The following SFMBT2 variants were observed in gnomAD, a reference collection of about 807,000 sequenced individuals.
SFMBT2 encodes scm-like with four MBT domains protein 2.
SFMBT2 carries 38 observed loss-of-function variants against 110.1 expected under a neutral mutation model. The observed-to-expected ratio is 0.35, with a 90% CI of 0.27 to 0.45. The LOEUF (loss-of-function observed/expected upper bound fraction) is 0.45. SFMBT2 is among the 20% of genes least tolerant of loss of function. The probability of loss-of-function intolerance (pLI) is 1.00; values close to 1 mark genes in which losing one functional copy is unlikely to be tolerated. For missense variants in SFMBT2, 1,011 were observed against 1,094.9 expected (o/e 0.92, Z 1.08); for synonymous variants, 425 against 425.4 (o/e 1.00, Z 0.01).
intron 4 of SFMBT2, among the ~76,000 whole-genome samples, chr10:7,353,619 C>T (rs1844400025): frequency 6.6e-6 from 1 of 152,260 alleles, no homozygotes; most frequent in Non-Finnish European, 1.5e-5. Context: ...GAACTCATGT[C>T]CTCCCATCAT....
chr10:7,188,561 G>A, intron 16 of SFMBT2, 63 bp downstream of exon 16: 1 of 1,317,420 alleles, frequency 7.6e-7, no homozygotes, highest in Non-Finnish European at 1.1e-6. Context: ...GAAGTGGCAA[G>A]GTTCAAAGTA....
At chr10:7,389,885 C>T (rs1845720780) in intron 1 of SFMBT2, among the ~76,000 whole-genome samples, 1 of 152,204 alleles carries the variant, frequency 6.6e-6, no homozygotes, top group Admixed American at 6.5e-5. Context: ...AGCATCCTCC[C>T]CTCTCAACCC....
intron 4 of SFMBT2, among the ~76,000 whole-genome samples, chr10:7,360,423 C>T (rs1452796642): frequency 1.3e-5 from 2 of 151,868 alleles, no homozygotes; most frequent in Non-Finnish European, 2.9e-5. Flanking sequence ...GCCAAAATTA[C>T]GCCACTACAT....
At chr10:7,272,127 G>A (rs1319664205) in intron 7 of SFMBT2, among the ~76,000 whole-genome samples, 1 of 152,170 alleles carries the variant, frequency 6.6e-6, no homozygotes, top group African/African-American at 2.4e-5. Context: ...GCATGTCCAG[G>A]AAGGATGTGG....
chr10:7,228,723 CTTTCTTTCTTTCCTTTCTCTCTCTCT>C (rs1192034796), intron 9 of SFMBT2, among the ~76,000 whole-genome samples: 1 of 115,162 alleles, frequency 8.7e-6, no homozygotes, highest in African/African-American at 4.1e-5. Context: ...TTCTTTCTTT[CTTTCTTTCTTTCCTTTCTCTCTCTCT>C]CTCTCTCTCT....
intron 4 of SFMBT2, among the ~76,000 whole-genome samples, chr10:7,303,936 T>C (rs751761832): frequency 2.6e-5 from 4 of 152,170 alleles, no homozygotes; most frequent in Non-Finnish European, 5.9e-5. Context: ...TCCTCTCATT[T>C]CCCTTCCTGC....
chr10:7,174,141 T>G (rs1446772968), intron 17 of SFMBT2, among the ~76,000 whole-genome samples: 2 of 152,138 alleles, frequency 1.3e-5, no homozygotes, highest in Admixed American at 1.3e-4. Context: ...CTCATCAATC[T>G]CTCAAAAGGA....
chr10:7,284,739 T>C, intron 5 of SFMBT2: 1 of 221,176 alleles, frequency 4.5e-6, no homozygotes, highest in Non-Finnish European at 7.7e-6. Context: ...AAATTATTTC[T>C]ACACTTAAGC....
Position 7,172,085 on chromosome 10 carries a change from T to C in SFMBT2, c.2225A>G (p.Asp742Gly). Reference sequence around the variant, plus strand: ...CGCCGACGAGGTGTCCGTCTGGTCATCCCGGAGCTCGGAGCCGGTCTCCTC... The same window carrying C: ...CGCCGACGAGGTGTCCGTCTGGTCACCCCGGAGCTCGGAGCCGGTCTCCTC... ...ASEETGSELR[D>G]DQTDTSSAEV... Residue 742 changes from aspartate to glycine, a missense_variant, in exon 19 of 21, where the codon GAT (aspartate) becomes GGT (glycine). Around this residue, in one of 2 missense-constraint regions of SFMBT2, gnomAD observed 979 missense variants for 1,016.1 expected, o/e 0.96. Transcript: ENST00000397167. This position sits in a 1 kb window ranked among gnomAD's most constrained non-coding sequence, Gnocchi z 4.6. 1.2e-6 allele frequency: 2 copies of C among 1,607,028 alleles called. No homozygotes were observed. The highest frequency in any genetic ancestry group is 1.7e-6 in the Non-Finnish European group (2 of 1,176,378).
At position 7,172,622 on chromosome 10, in the gene SFMBT2, G is replaced by T. The variant is rs3740212; in HGVS notation, c.2024C>A (p.Pro675His). 20 of 1,614,216 alleles carry T rather than the reference G, an allele frequency of 1.2e-5. No homozygotes were observed. Among genetic ancestry groups the T allele is most frequent in the East Asian group, 2.2e-5 (1 of 44,878 alleles). Residue 675 changes from proline to histidine, a missense_variant, in exon 18 of 21, where the codon CCC becomes CAC. Transcript: ENST00000397167. This position sits in a 1 kb window ranked among gnomAD's most constrained non-coding sequence, Gnocchi z 4.6. ...YGKRKKISKP[P>H]IGESNPDSGH... ...GCTGTCGGGGTTGCTTTCCCCGATGGGGGGCTTGGAGATCTTCTTTCTCTT... is the reference window on the plus strand; with the variant it reads ...GCTGTCGGGGTTGCTTTCCCCGATGTGGGGCTTGGAGATCTTCTTTCTCTT...
At chr10:7,205,686 G>C (rs1839107968) in intron 12 of SFMBT2, 129 bp downstream of exon 12, 4 of 1,409,412 alleles carry the variant, frequency 2.8e-6, no homozygotes, top group Non-Finnish European at 2.8e-6. Context: ...TGAAAACATG[G>C]GTTCTTGGTG....
chr10:7,165,924 G>A (rs1588755727), intron 20 of SFMBT2, among the ~76,000 whole-genome samples: 1 of 152,254 alleles, frequency 6.6e-6, no homozygotes, highest in Non-Finnish European at 1.5e-5. Flanking sequence ...GGGGACCTCT[G>A]GCCTGGGGCC....
At chr10:7,261,192 C>T (rs1027231975) in intron 7 of SFMBT2, among the ~76,000 whole-genome samples, 6 of 152,216 alleles carry the variant, frequency 3.9e-5, no homozygotes, top group Non-Finnish European at 7.3e-5. Flanking sequence ...TCACTAGAAA[C>T]GCTCACCAAT....
chr10:7,320,596 G>A, intron 4 of SFMBT2: 6 of 985,254 alleles, frequency 6.1e-6, no homozygotes, highest in Non-Finnish European at 6.0e-6. Flanking sequence ...CACCTGCTGA[G>A]AGCCAATATA....
intron 1 of SFMBT2, among the ~76,000 whole-genome samples, chr10:7,404,308 C>T (rs1480534215): frequency 6.6e-6 from 1 of 152,174 alleles, no homozygotes; most frequent in Non-Finnish European, 1.5e-5. Flanking sequence ...ACTCTTGTAT[C>T]ATACCTTAAA....
At chr10:7,349,556 C>T (rs1178220595) in intron 4 of SFMBT2, among the ~76,000 whole-genome samples, 1 of 139,216 alleles carries the variant, frequency 7.2e-6, no homozygotes, top group Non-Finnish European at 1.5e-5. Flanking sequence ...CTCCCAGGTT[C>T]ATGCAATTCT....
intron 12 of SFMBT2, chr10:7,203,644 C>G (rs1839029432): frequency 1.0e-6 from 1 of 980,618 alleles, no homozygotes; most frequent in South Asian, 4.7e-5. Flanking sequence ...GATTGGAACC[C>G]CAACCCCAGG....
chr10:7,214,703 G>A, intron 11 of SFMBT2: 7 of 985,488 alleles, frequency 7.1e-6, no homozygotes, highest in Non-Finnish European at 8.4e-6. Context: ...GGCAATTCCT[G>A]AACTCCAAAA....
chr10:7,232,763 T>C (rs1840142017), intron 9 of SFMBT2, among the ~76,000 whole-genome samples: 1 of 152,234 alleles, frequency 6.6e-6, no homozygotes, highest in Non-Finnish European at 1.5e-5. Context: ...CACAAAATTA[T>C]TTCATTAATA....
Sources: gnomAD v4.1 joint callset for allele counts (sites outside exome capture counted in the v4.1 genomes callset) on GRCh38, gnomAD v4.1.1 for gene constraint, gnomAD v4.1.1 regional missense constraint, Gnocchi (gnomAD v3.1) non-coding constraint, MANE v1.5 for transcripts, NCBI Gene and HGNC (gene_info 2026-07-23, HGNC 2026-07-21) for gene names.